Variants in KCNE3 observed in about 807,000 individuals in gnomAD.
KCNE3 encodes potassium voltage-gated channel subfamily E member 3.
A neutral mutation model predicts 4.3 loss-of-function variants in KCNE3; 2 were observed. The ratio of observed to expected loss-of-function variants is 0.47; its 90% CI spans 0.19 to 1.48. The LOEUF is 1.48. Ranked by LOEUF, KCNE3 falls within the 40% of genes most tolerant of loss-of-function variation. The pLI is 0.25. For missense variants in KCNE3, 128 were observed against 136.8 expected (o/e 0.94, Z 0.32); for synonymous variants, 47 against 52.0 (o/e 0.90, Z 0.41).
intron 2 of KCNE3, among the ~76,000 whole-genome samples, chr11:74,458,054 G>T (rs1301437470): frequency 1.3e-5 from 2 of 152,180 alleles, no homozygotes; most frequent in Non-Finnish European, 2.9e-5. Flanking sequence ...TATGAAAATG[G>T]ACTAATACAA....
At chr11:74,466,501 G>A (rs960759246) in intron 1 of KCNE3, among the ~76,000 whole-genome samples, 2 of 152,170 alleles carry the variant, frequency 1.3e-5, no homozygotes, top group African/African-American at 4.8e-5. Context: ...AGTGGAGAGA[G>A]CCCTGGGCTA....
At chr11:74,461,729 G>A (rs1863957490) in intron 2 of KCNE3, among the ~76,000 whole-genome samples, 1 of 151,114 alleles carries the variant, frequency 6.6e-6, no homozygotes, top group Admixed American at 6.6e-5. Context: ...TTATGTAGAA[G>A]AGGATTAAAA....
At chr11:74,461,292 T>G (rs1863946579) in intron 2 of KCNE3, among the ~76,000 whole-genome samples, 3 of 148,376 alleles carry the variant, frequency 2.0e-5, no homozygotes, top group African/African-American at 7.5e-5. Flanking sequence ...TTTTTATGTT[T>G]TGTGTGTGTG....
At position 74,456,179 on chromosome 11, in the gene KCNE3, T is replaced by TATATATATATATATATAA. The variant is rs1340077987; in HGVS notation, c.*1072_*1073insTTATATATATATATATAT. ...AAATATATATATATATATATATATA[T>TATATATATATATATATAA]AAATTAACTGGGTGTGGTGACAGGA... On this transcript the variant is annotated 3_prime_UTR_variant, in exon 3 of 3. Coordinates refer to ENST00000310128, the MANE Select transcript of KCNE3 (RefSeq NM_005472.5). The TATATATATATATATATAA allele has an allele frequency of 6.4e-5, 8 of 124,500 alleles. No individual in the cohort carries two copies. In the East Asian group the frequency reaches 2.0e-3, roughly 31 times the overall value. The allele number at this position is 124,500 out of a possible 1,614,324, so 7.7% of individuals were successfully genotyped here.
chr11:74,460,206 G>T (rs1863919992), intron 2 of KCNE3, among the ~76,000 whole-genome samples: 1 of 152,160 alleles, frequency 6.6e-6, no homozygotes, highest in Non-Finnish European at 1.5e-5. Flanking sequence ...AAAAGAACAA[G>T]AGCTCACTGA....
At position 74,457,526 on chromosome 11, in the gene KCNE3, C is replaced by T. The variant is rs779362496; in HGVS notation, c.38G>A (p.Ser13Asn). Residue 13 changes from serine (S) to asparagine (N), a missense_variant, in exon 3 of 3, where the codon AGC becomes AAC. Ser to Asn is a conservative substitution (Grantham distance 46, BLOSUM62 1). Transcript: ENST00000310128. ...TTNGTETWYE[S>N]LHAVLKALNA... The stretch of plus-strand genomic sequence containing the variant: ...TAGAGCCTTCAGCACGGCATGCAGG[C>T]TCTCATACCAGGTCTCCGTTCCATT... The T allele has an allele frequency of 3.7e-6, 6 of 1,614,174 alleles. No homozygotes were observed. Among genetic ancestry groups the T allele is most frequent in the South Asian group, 2.2e-5 (2 of 91,078 alleles).
chr11:74,465,118 GTGTGTGTA>G (rs903904744), intron 1 of KCNE3, among the ~76,000 whole-genome samples: 7 of 151,726 alleles, frequency 4.6e-5, no homozygotes, highest in African/African-American at 4.8e-5. Context: ...GTGTGTGTGT[GTGTGTGTA>G]TGTGTGTGTG....
intron 2 of KCNE3, among the ~76,000 whole-genome samples, chr11:74,458,411 A>G (rs945882281): frequency 2.6e-5 from 4 of 152,262 alleles, no homozygotes; most frequent in Admixed American, 2.0e-4. Flanking sequence ...AGTAGAGCCA[A>G]GACAGAAAGC....
In KCNE3 at chr11:74,457,470, G is replaced by A. The variant is rs755300564; in HGVS notation, c.94C>T (p.Arg32Trp). Residue 32 changes from arginine to tryptophan, a missense_variant, in exon 3 of 3, where the codon CGG becomes TGG. By Grantham distance (101) the Arg-to-Trp change is moderately radical. Coordinates refer to ENST00000310128, the MANE Select transcript of KCNE3 (RefSeq NM_005472.5). The part of the protein sequence containing the change: ...NATLHSNLLC[R>W]PGPGLGPDNQ... ...TCTGGCCCCAGCCCTGGCCCTGGCC[G>A]GCAGAGCAAATTGCTGTGAAGAGTG... 39 of 1,614,026 alleles carry A rather than the reference G, an allele frequency of 2.4e-5. No individual in the cohort carries two copies. The Admixed American group carries it at 3.3e-4, about 14-fold the overall frequency.
Position 74,455,881 on chromosome 11 carries a change from C to T in KCNE3, c.*1371G>A, listed in dbSNP as rs1474509280. 1 of 151,870 alleles carries T rather than the reference C, an allele frequency of 6.6e-6. No homozygotes were observed. Among genetic ancestry groups the T allele is most frequent in the Non-Finnish European group, 1.5e-5 (1 of 67,978 alleles). 9.4% of individuals were successfully genotyped at this position (151,870 alleles called of 1,614,324 possible). A position where few individuals can be genotyped will look rare whatever the true frequency, so the allele number is the denominator to read the frequency against. On this transcript the variant is annotated 3_prime_UTR_variant, in exon 3 of 3. Transcript: ENST00000310128. ...TAGCTGGGAATACGGGCACCCGCCA[C>T]CAGGTCTGGCTAATTTTTGTATTTT...
intron 2 of KCNE3, among the ~76,000 whole-genome samples, 169 bp downstream of exon 2, chr11:74,461,783 TAAA>T (rs766713854): frequency 1.4e-5 from 2 of 139,758 alleles, no homozygotes. Context: ...CACATAGGTT[TAAA>T]AAAAAAAAAA....
chr11:74,463,640 T>C (rs11236118), intron 1 of KCNE3, among the ~76,000 whole-genome samples: 2,264 of 152,202 alleles, frequency 0.015, 52 homozygotes, highest in African/African-American at 0.052. Context: ...GGTGAGCAGA[T>C]GGCCAAGCTG....
rs1378298183 is a variant in KCNE3 at position 74,455,764 on chromosome 11, G to C, written c.*1488C>G. 1 of 150,846 alleles carries C rather than the reference G, an allele frequency of 6.6e-6. No homozygotes were observed. Among genetic ancestry groups the C allele is most frequent in the African/African-American group, 2.4e-5 (1 of 40,842 alleles). 9.3% of individuals were successfully genotyped at this position (150,846 alleles called of 1,614,324 possible). ...TTTTTTTGAGACAGAGCCTTGCTCTGTCACCCAGGCTGGAGTGCAGTGGCG... is the reference window on the plus strand; with the variant it reads ...TTTTTTTGAGACAGAGCCTTGCTCTCTCACCCAGGCTGGAGTGCAGTGGCG... On this transcript the variant is annotated 3_prime_UTR_variant, in exon 3 of 3. Transcript: ENST00000310128.
At chr11:74,463,662 A>C (rs1025864419) in intron 1 of KCNE3, among the ~76,000 whole-genome samples, 12 of 152,158 alleles carry the variant, frequency 7.9e-5, no homozygotes, top group Admixed American at 7.9e-4. Flanking sequence ...GAGGGACTTT[A>C]AGGATCATCT....
chr11:74,457,028 A>C lies in KCNE3; in HGVS notation c.*224T>G. ...TTTATATGTTTGTTCATGGGCTCCC[A>C]CTGTTTATAAAGTCTATCTTTTCCT... On this transcript the variant is annotated 3_prime_UTR_variant, in exon 3 of 3. Coordinates refer to ENST00000310128, the MANE Select transcript of KCNE3 (RefSeq NM_005472.5). The C allele has an allele frequency of 1.7e-6, 1 of 590,024 alleles. No individual in the cohort carries two copies. The highest frequency in any genetic ancestry group is 2.8e-5 in the East Asian group (1 of 35,334). The allele number at this position is 590,024 out of a possible 1,614,324, so 36.5% of individuals were successfully genotyped here. A position where few individuals can be genotyped will look rare whatever the true frequency, so the allele number is the denominator to read the frequency against.
At position 74,457,439 on chromosome 11, in the gene KCNE3, T is replaced by C. The variant is rs1863846770; in HGVS notation, c.125A>G (p.Gln42Arg). ...RPGPGLGPDNQTEERRASLPG... is the reference protein window; with the variant it reads ...RPGPGLGPDNRTEERRASLPG... The stretch of plus-strand genomic sequence containing the variant: ...TAGGCTGGCCCGCCTCTCTTCAGTC[T>C]GGTTGTCTGGCCCCAGCCCTGGCCC... The change falls in exon 3 of 3, where the codon CAG becomes CGG. Residue 42 changes from glutamine (Q) to arginine (R), a missense_variant. Gln to Arg is a conservative substitution (Grantham distance 43). Coordinates refer to ENST00000310128, the MANE Select transcript of KCNE3 (RefSeq NM_005472.5). 1 of 1,613,878 alleles carries C rather than the reference T, an allele frequency of 6.2e-7. No individual in the cohort carries two copies. The highest frequency in any genetic ancestry group is 8.5e-7 in the Non-Finnish European group (1 of 1,179,844).
At chr11:74,458,833 CAAAAG>C (rs1863881386) in intron 2 of KCNE3, among the ~76,000 whole-genome samples, 2 of 139,998 alleles carry the variant, frequency 1.4e-5, no homozygotes, top group African/African-American at 5.3e-5. Flanking sequence ...GACTTTGTCT[CAAAAG>C]AAAAAAAAAA....
intron 2 of KCNE3, among the ~76,000 whole-genome samples, chr11:74,459,786 G>A (rs626930): frequency 0.71 from 107,988 of 151,954 alleles, 40,833 homozygotes; most frequent in East Asian, 0.84. Flanking sequence ...GACCACATGC[G>A]TCTGGTCAGC....
In KCNE3 at chr11:74,457,310, A is replaced by G; in HGVS notation, c.254T>C (p.Val85Ala). Residue 85 changes from valine to alanine, a missense_variant, in exon 3 of 3, where the codon GTG becomes GCG. By Grantham distance (64) the Val-to-Ala change is moderately conservative (BLOSUM62 0). Transcript: ENST00000310128. The part of the protein sequence containing the change: ...LILGYTRSRK[V>A]DKRSDPYHVY... ...ATGATAGGGGTCACTACGCTTGTCC[A>G]CTTTGCGGGAGCGGGTGTATCCCAG... 6.2e-7 allele frequency: 1 copy of G among 1,613,908 alleles called. No homozygotes were observed. The highest frequency in any genetic ancestry group is 1.7e-5 in the Admixed American group (1 of 60,026).
Sources: allele counts gnomAD v4.1 joint callset (sites outside exome capture counted in the v4.1 genomes callset), GRCh38; gene constraint gnomAD v4.1.1; transcripts MANE v1.5; gene names NCBI Gene and HGNC (gene_info 2026-07-23, HGNC 2026-07-21).